The following TMEM117 variants were observed in gnomAD, a reference collection of about 807,000 sequenced individuals.
TMEM117 encodes the protein transmembrane protein 117.
A neutral mutation model predicts 52.4 loss-of-function variants in TMEM117; 27 were observed. The observed-to-expected ratio is 0.51, with a 90% CI of 0.38 to 0.71. TMEM117 has a LOEUF of 0.71. Ranked by LOEUF, TMEM117 falls within the 30% of genes least tolerant of loss-of-function variation. TMEM117 has a pLI of 0.00. For synonymous variants in TMEM117, 215 were observed against 206.3 expected, an observed-to-expected ratio of 1.04 and a Z score of -0.36; for missense variants, 556 against 630.5, an observed-to-expected ratio of 0.88 and a Z score of 1.26.
intron 5 of TMEM117, among the ~76,000 whole-genome samples, chr12:44,221,506 A>G (rs1321555843): frequency 6.6e-6 from 1 of 152,160 alleles, no homozygotes; most frequent in Non-Finnish European, 1.5e-5. Context: ...TAAATTTGTG[A>G]TCTGTAGTTG....
intron 1 of TMEM117, among the ~76,000 whole-genome samples, chr12:43,838,742 C>T (rs895671640): frequency 9.9e-5 from 15 of 151,434 alleles, no homozygotes; most frequent in African/African-American, 3.6e-4. Flanking sequence ...AGAGTAATAA[C>T]TTTGGGGTTA....
intron 2 of TMEM117, among the ~76,000 whole-genome samples, chr12:43,929,755 G>C (rs1944842068): frequency 6.6e-6 from 1 of 151,930 alleles, no homozygotes; most frequent in Non-Finnish European, 1.5e-5. Context: ...ATATTTAACA[G>C]CTATTAAATC....
chr12:43,877,214 T>A (rs1010783717), intron 2 of TMEM117, among the ~76,000 whole-genome samples: 9 of 152,174 alleles, frequency 5.9e-5, no homozygotes, highest in Admixed American at 2.0e-4. Flanking sequence ...ATGTGCACAT[T>A]TTTCACTTGG....
chr12:44,107,010 G>C (rs1412762280), intron 3 of TMEM117, among the ~76,000 whole-genome samples: 1 of 152,016 alleles, frequency 6.6e-6, no homozygotes, highest in African/African-American at 2.4e-5. Context: ...GAGGATGAAT[G>C]ATTATTTGGC....
chr12:44,096,701 A>G (rs1028964455), intron 3 of TMEM117, among the ~76,000 whole-genome samples: 39 of 152,278 alleles, frequency 2.6e-4, no homozygotes, highest in Admixed American at 1.3e-3. Context: ...TACACCTTAT[A>G]CAAAAATTAA....
Position 44,152,614 on chromosome 12 carries a change from T to A in TMEM117, c.510+8990T>A, listed in dbSNP as rs1342433761. 3.2e-5 allele frequency among the ~76,000 whole-genome samples: 4 copies of A among 126,278 alleles called. No homozygotes were observed. The East Asian group carries it at 9.2e-4, about 29-fold the overall frequency. The allele number at this position is 126,278 out of a possible 152,430, so 82.8% of individuals were successfully genotyped here. A position where few individuals can be genotyped will look rare whatever the true frequency, so the allele number is the denominator to read the frequency against. On this transcript the variant is annotated intron_variant, in intron 4 of 7. Coordinates refer to ENST00000266534, the MANE Select transcript of TMEM117 (RefSeq NM_032256.3). ...TTTATATCATATATAAATTTTTATA[T>A]ACATAATATTTATATCATATATAAA...
intron 3 of TMEM117, among the ~76,000 whole-genome samples, chr12:44,014,417 G>A (rs1479439059): frequency 6.6e-6 from 1 of 152,106 alleles, no homozygotes; most frequent in Non-Finnish European, 1.5e-5. Context: ...CTAACATGAA[G>A]TGTCTGCTTC....
At chr12:44,072,781 A>G (rs114195912) in intron 3 of TMEM117, among the ~76,000 whole-genome samples, 2,133 of 152,312 alleles carry the variant, frequency 0.014, 37 homozygotes, top group African/African-American at 0.048. Context: ...TTTATGATTA[A>G]AAGAAGCGAT....
chr12:44,374,442 AC>A (rs1480830307), intron 6 of TMEM117, among the ~76,000 whole-genome samples: 1 of 152,026 alleles, frequency 6.6e-6, no homozygotes, highest in Non-Finnish European at 1.5e-5. Flanking sequence ...CACACTTCAC[AC>A]CCCCAGGCCC....
At chr12:44,211,230 T>C in intron 4 of TMEM117, 60 bp from the exon 5 acceptor site, 1 of 1,088,168 alleles carries the variant, frequency 9.2e-7, no homozygotes, top group Non-Finnish European at 1.4e-6. Context: ...TATAGGCTTA[T>C]AGTTAAATCT....
chr12:44,099,293 A>G (rs1947823945), intron 3 of TMEM117, among the ~76,000 whole-genome samples: 1 of 152,046 alleles, frequency 6.6e-6, no homozygotes, highest in African/African-American at 2.4e-5. Flanking sequence ...CATACAAAAT[A>G]CTTAAATAGA....
intron 3 of TMEM117, among the ~76,000 whole-genome samples, chr12:43,956,395 T>TGACTAAG (rs924537463): frequency 6.6e-6 from 1 of 151,514 alleles, no homozygotes; most frequent in African/African-American, 2.4e-5. Context: ...TCTATCCATC[T>TGACTAAG]GACTAAGGTC....
the TMEM117 span, chr12:43,797,715 A>G: frequency 1.9e-6 from 3 of 1,611,744 alleles, no homozygotes; most frequent in African/African-American, 4.0e-5. Context: ...TACCAACTGC[A>G]CATAGTTGAG....
At chr12:44,238,114 A>C (rs1950020170) in intron 5 of TMEM117, among the ~76,000 whole-genome samples, 1 of 152,188 alleles carries the variant, frequency 6.6e-6, no homozygotes, top group East Asian at 1.9e-4. Flanking sequence ...AAATTCTCAC[A>C]TCTCTTAAAA....
chr12:44,233,062 T>C (rs1038917722), intron 5 of TMEM117, among the ~76,000 whole-genome samples: 1 of 151,360 alleles, frequency 6.6e-6, no homozygotes, highest in Admixed American at 6.6e-5. Flanking sequence ...ATCATATCTC[T>C]TGTGAATGAC....
intron 3 of TMEM117, among the ~76,000 whole-genome samples, chr12:43,946,323 G>C (rs966119786): frequency 1.3e-5 from 2 of 148,806 alleles, no homozygotes; most frequent in African/African-American, 5.0e-5. Flanking sequence ...AATAATACAT[G>C]ATATAATATA....
At chr12:43,867,685 A>G (rs1403475649) in intron 2 of TMEM117, among the ~76,000 whole-genome samples, 1 of 151,932 alleles carries the variant, frequency 6.6e-6, no homozygotes, top group Non-Finnish European at 1.5e-5. Context: ...GAATATGTTA[A>G]TATCAGACAA....
chr12:43,934,594 AT>A (rs1468359409), intron 2 of TMEM117, among the ~76,000 whole-genome samples: 1 of 151,864 alleles, frequency 6.6e-6, no homozygotes, highest in Non-Finnish European at 1.5e-5. Context: ...CCATGCTTTT[AT>A]TTTCCTTTTT....
chr12:44,067,554 T>G (rs1947240437), intron 3 of TMEM117, among the ~76,000 whole-genome samples: 1 of 152,220 alleles, frequency 6.6e-6, no homozygotes, highest in Non-Finnish European at 1.5e-5. Context: ...ATTGTCATTG[T>G]CAATGACATT....
Sources: allele counts gnomAD v4.1 joint callset (sites outside exome capture counted in the v4.1 genomes callset), GRCh38; gene constraint gnomAD v4.1.1; transcripts MANE v1.5; gene names NCBI Gene and HGNC (gene_info 2026-07-23, HGNC 2026-07-21).